Variants in ZNF536 observed in about 807,000 individuals in gnomAD.
ZNF536 encodes zinc finger protein 536.
Under a neutral mutation model 84.5 loss-of-function variants are expected in ZNF536, and 13 were observed. The observed-to-expected ratio is 0.15, with a 90% CI of 0.10 to 0.24. The LOEUF (loss-of-function observed/expected upper bound fraction) is 0.24. ZNF536 is among the 10% of genes least tolerant of loss of function. The probability of loss-of-function intolerance (pLI) is 1.00; values close to 1 mark genes in which losing one functional copy is unlikely to be tolerated. For synonymous variants in ZNF536, 811 were observed against 742.5 expected (o/e 1.09, Z -1.50); for missense variants, 1,536 against 1,747.5 (o/e 0.88, Z 2.16).
At chr19:30,380,027 G>C (rs553387337) in intron 1 of ZNF536, among the ~76,000 whole-genome samples, 1 of 152,140 alleles carries the variant, frequency 6.6e-6, no homozygotes, top group African/African-American at 2.4e-5. Flanking sequence ...AGGGACTTCT[G>C]AGCCCAGGCC....
chr19:30,405,486 T>C (rs917750348), intron 1 of ZNF536, among the ~76,000 whole-genome samples: 2 of 152,112 alleles, frequency 1.3e-5, no homozygotes, highest in Non-Finnish European at 2.9e-5. Context: ...CAACAGAACC[T>C]TAGGAAACCA....
At chr19:30,510,409 C>T (rs1404551215) in intron 2 of ZNF536, among the ~76,000 whole-genome samples, 1 of 152,220 alleles carries the variant, frequency 6.6e-6, no homozygotes, top group African/African-American at 2.4e-5. Flanking sequence ...CAGCAACCAC[C>T]TAGCCAGCCT....
In ZNF536 at chr19:30,444,109, G is replaced by T. The variant is rs2148168989; in HGVS notation, c.547G>T (p.Gly183Cys). The T allele has an allele frequency of 1.9e-6, 3 of 1,611,906 alleles. No homozygotes were observed. Among genetic ancestry groups the T allele is most frequent in the Non-Finnish European group, 2.5e-6 (3 of 1,179,160 alleles). ...GATTCACCTGCGGACCCACAAGCTGGGCAACCTGGGCAAGGGGCGTGGGCG... is the reference window on the plus strand; with the variant it reads ...GATTCACCTGCGGACCCACAAGCTGTGCAACCTGGGCAAGGGGCGTGGGCG... ...LKIHLRTHKL[G>C]NLGKGRGRVR... The change falls in exon 2 of 5, where the codon GGC becomes TGC. Residue 183 changes from glycine (G) to cysteine (C), a missense_variant. Transcript: ENST00000355537.
At chr19:30,366,074 A>C (rs2048419185) in intron 3 of ZNF536, among the ~76,000 whole-genome samples, 1 of 152,078 alleles carries the variant, frequency 6.6e-6, no homozygotes, top group South Asian at 2.1e-4. Context: ...CCCCCGCCGA[A>C]CCCCTGAGGA....
chr19:30,443,305 T>C (rs1409778185), intron 1 of ZNF536, among the ~76,000 whole-genome samples: 1 of 152,198 alleles, frequency 6.6e-6, no homozygotes, highest in Non-Finnish European at 1.5e-5. Context: ...AATTTAAAGG[T>C]GAATGAATAA....
chr19:30,524,072 G>A (rs143869918), intron 2 of ZNF536, among the ~76,000 whole-genome samples: 1 of 152,344 alleles, frequency 6.6e-6, no homozygotes, highest in African/African-American at 2.4e-5. Context: ...GACGGCGGCA[G>A]GCTCACAAGC....
chr19:30,319,180 G>A (rs1274020319), intron 2 of ZNF536, among the ~76,000 whole-genome samples: 4 of 152,202 alleles, frequency 2.6e-5, no homozygotes, highest in Admixed American at 6.5e-5. Flanking sequence ...CACGCTCTAC[G>A]CAGGTGAGTA....
intron 2 of ZNF536, among the ~76,000 whole-genome samples, chr19:30,458,644 G>A (rs909044992): frequency 3.9e-5 from 6 of 151,900 alleles, no homozygotes; most frequent in African/African-American, 1.5e-4. Context: ...TAAAGATAGG[G>A]TTTCTCCATG....
chr19:30,691,457 C>T (rs1167563000), intron 1 of ZNF536, among the ~76,000 whole-genome samples: 2 of 151,518 alleles, frequency 1.3e-5, no homozygotes. Context: ...GGTGGGAATA[C>T]CAAAAGGACA....
chr19:30,236,176 A>G (rs1237452253), intron 1 of ZNF536, among the ~76,000 whole-genome samples: 1 of 152,246 alleles, frequency 6.6e-6, no homozygotes, highest in Admixed American at 6.5e-5. Context: ...CTCCTCTGAT[A>G]GTGGAGGGCT....
chr19:30,279,453 G>A (rs2045357431), intron 1 of ZNF536, among the ~76,000 whole-genome samples: 1 of 152,128 alleles, frequency 6.6e-6, no homozygotes, highest in East Asian at 1.9e-4. Context: ...AGCAACAATG[G>A]GTGTGTCATT....
Position 30,676,359 on chromosome 19 carries a change from T to C in ZNF536, c.170-34398T>C, listed in dbSNP as rs755142946. 5.9e-5 allele frequency among the ~76,000 whole-genome samples: 9 copies of C among 152,354 alleles called. No individual in the cohort carries two copies. In the East Asian group the frequency reaches 1.5e-3, roughly 26 times the overall value. On this transcript the variant is annotated intron_variant, in intron 1 of 1. Coordinates refer to the ZNF536 transcript ENST00000592773. ...GCCATCTGTGAATGTGTAAAGAAGA[T>C]GGCTTTCACTCTGTGAGCCCCTTGT... is the stretch of plus-strand genomic sequence containing the variant.
In ZNF536 at chr19:30,512,259, G is replaced by A. The variant is rs187299831; in HGVS notation, c.2171-22588G>A. On this transcript the variant is annotated intron_variant, in intron 2 of 4. Transcript: ENST00000355537. The stretch of plus-strand genomic sequence containing the variant: ...CAAAATTGTTTTATTAGGGGACTGC[G>A]GAACACCTGCCTTAAAATGTCGTTC... 1.8e-3 allele frequency among the ~76,000 whole-genome samples: 279 copies of A among 152,178 alleles called. 1 individual carries two copies. Among genetic ancestry groups the A allele is most frequent in the Non-Finnish European group, 3.1e-3 (212 of 68,004 alleles).
intron 1 of ZNF536, among the ~76,000 whole-genome samples, chr19:30,410,463 G>GTTTTT (rs1165876265): frequency 2.1e-5 from 2 of 94,688 alleles, no homozygotes; most frequent in African/African-American, 1.2e-4. Context: ...AAAAGTGAAG[G>GTTTTT]TCTTTTTTTT....
At chr19:30,264,983 AAGAG>A (rs1376926734) in intron 1 of ZNF536, among the ~76,000 whole-genome samples, 1 of 91,762 alleles carries the variant, frequency 1.1e-5, no homozygotes, top group Non-Finnish European at 2.2e-5. Context: ...GAGAGAGAGA[AAGAG>A]AGATTCATTG....
At position 30,549,791 on chromosome 19, in the gene ZNF536, A is replaced by T. The variant is rs542378318; in HGVS notation, c.3895+277A>T. Among the ~76,000 whole-genome samples, 12 of 152,178 alleles carry T rather than the reference A, an allele frequency of 7.9e-5. No homozygotes were observed. In the East Asian group the frequency reaches 1.5e-3, roughly 20 times the overall value. On this transcript the variant is annotated intron_variant, in intron 4 of 4. Transcript: ENST00000355537. Reference sequence around the variant, plus strand: ...GGGGTGGTCGCTCACCATGTGAACTACTCCTGTTTGCCATCTAGAACTTGA... The same window carrying T: ...GGGGTGGTCGCTCACCATGTGAACTTCTCCTGTTTGCCATCTAGAACTTGA...
intron 1 of ZNF536, among the ~76,000 whole-genome samples, chr19:30,673,823 C>T (rs2050654040): frequency 6.6e-6 from 1 of 152,186 alleles, no homozygotes; most frequent in South Asian, 2.1e-4. Context: ...CCTTTTTCTC[C>T]TACGTTGTCA....
intron 1 of ZNF536, among the ~76,000 whole-genome samples, chr19:30,578,289 G>T (rs942687032): frequency 1.3e-5 from 2 of 152,196 alleles, no homozygotes; most frequent in South Asian, 2.1e-4. Flanking sequence ...CACTAGAGAG[G>T]GTTTCCTAGT....
At chr19:30,541,209 C>T (rs1304048081) in intron 3 of ZNF536, among the ~76,000 whole-genome samples, 4 of 152,280 alleles carry the variant, frequency 2.6e-5, no homozygotes, top group East Asian at 1.9e-4. Context: ...CTGGTGTCTA[C>T]GTCTCTTACA....
Sources: allele counts gnomAD v4.1 joint callset (sites outside exome capture counted in the v4.1 genomes callset), GRCh38; gene constraint gnomAD v4.1.1; transcripts MANE v1.5; gene names NCBI Gene and HGNC (gene_info 2026-07-23, HGNC 2026-07-21).